Variants in SLC35H1 observed in about 807,000 individuals in gnomAD.
The protein encoded by SLC35H1 is solute carrier family 35 member H1.
chr20:46,358,963 T>C, the SLC35H1 span: 1 of 597,048 alleles, frequency 1.7e-6, no homozygotes, highest in Admixed American at 2.9e-5. Context: ...AGTGACCTTT[T>C]AAAACACAAA....
At chr20:46,349,439 C>T in the SLC35H1 span, 6 of 152,258 alleles carry the variant, frequency 3.9e-5, no homozygotes, top group Admixed American at 6.5e-5. Flanking sequence ...CACACACAGA[C>T]GTACACAGAC....
chr20:46,350,735 G>T, the SLC35H1 span: 1 of 1,611,178 alleles, frequency 6.2e-7, no homozygotes, highest in East Asian at 2.2e-5. Context: ...AGAAAACAGA[G>T]GCTTCTGGAA....
chr20:46,350,687 C>G, the SLC35H1 span: 1 of 1,495,694 alleles, frequency 6.7e-7, no homozygotes, highest in Non-Finnish European at 9.0e-7. Context: ...GGGCACACTT[C>G]CTGCATCAGA....
the SLC35H1 span, chr20:46,350,714 G>A: frequency 1.2e-6 from 2 of 1,602,016 alleles, no homozygotes; most frequent in Non-Finnish European, 8.5e-7. Flanking sequence ...AAGAGTCACA[G>A]GGAGAAGAAC....
At chr20:46,358,914 T>C in the SLC35H1 span, 1 of 639,502 alleles carries the variant, frequency 1.6e-6, no homozygotes. Flanking sequence ...GTGTCTGCTG[T>C]CTTGTCACCT....
the SLC35H1 span, chr20:46,352,976 G>A: frequency 6.6e-6 from 1 of 152,272 alleles, no homozygotes; most frequent in African/African-American, 2.4e-5. Context: ...TAACTACTGG[G>A]CTAAAGAAGG....
chr20:46,355,042 T>C, the SLC35H1 span: 1 of 1,613,844 alleles, frequency 6.2e-7, no homozygotes, highest in Non-Finnish European at 8.5e-7. The surrounding 1 kb of genome is among the most constrained non-coding windows in gnomAD (Gnocchi z 4.8). Context: ...CCGGGGTTCC[T>C]CTCTCTGGAG....
chr20:46,347,269 A>C, the SLC35H1 span: 1 of 152,256 alleles, frequency 6.6e-6, no homozygotes, highest in East Asian at 1.9e-4. Context: ...CGTTATGCTT[A>C]ACCACTTGGA....
At chr20:46,355,181 T>C in the SLC35H1 span, 27 of 1,613,884 alleles carry the variant, frequency 1.7e-5, no homozygotes, top group South Asian at 2.6e-4. This position sits in a 1 kb window ranked among gnomAD's most constrained non-coding sequence, Gnocchi z 4.8. Flanking sequence ...TGTGTGGACT[T>C]GTAGGTGAAC....
the SLC35H1 span, chr20:46,350,633 T>C: frequency 5.5e-6 from 8 of 1,464,530 alleles, no homozygotes; most frequent in Admixed American, 2.1e-5. Context: ...ACTCTGGAGA[T>C]GACCCCCACA....
chr20:46,358,279 G>C, the SLC35H1 span: 1 of 1,061,250 alleles, frequency 9.4e-7, no homozygotes, highest in Non-Finnish European at 1.4e-6. Context: ...CTGGCTTCCA[G>C]TTAGACTGGT....
the SLC35H1 span, chr20:46,347,958 G>A: frequency 6.6e-6 from 1 of 152,300 alleles, no homozygotes; most frequent in African/African-American, 2.4e-5. Flanking sequence ...CCCTTCTGCA[G>A]AAGCCTCGGA....
At chr20:46,363,882 G>A in the SLC35H1 span, among the ~76,000 whole-genome samples, 2 of 152,334 alleles carry the variant, frequency 1.3e-5, no homozygotes, top group East Asian at 1.9e-4. Context: ...CCCCTGCCAC[G>A]TGTCAAACAC....
chr20:46,352,240 G>A, the SLC35H1 span: 1 of 1,613,110 alleles, frequency 6.2e-7, no homozygotes, highest in South Asian at 1.1e-5. Context: ...AAAGCAACAG[G>A]GAGAGAGAGT....
the SLC35H1 span, chr20:46,355,138 C>A: frequency 2.5e-6 from 4 of 1,614,152 alleles, no homozygotes; most frequent in Admixed American, 3.3e-5. The surrounding 1 kb of genome is among the most constrained non-coding windows in gnomAD (Gnocchi z 4.8). Context: ...GAACGAGGCC[C>A]CCAGCACCAA....
At chr20:46,358,492 G>C in the SLC35H1 span, 1 of 1,614,038 alleles carries the variant, frequency 6.2e-7, no homozygotes, top group Non-Finnish European at 8.5e-7. Context: ...CCACATCGAG[G>C]GCCCACCTCC....
the SLC35H1 span, among the ~76,000 whole-genome samples, chr20:46,353,422 T>C: frequency 1.3e-5 from 2 of 152,076 alleles, no homozygotes; most frequent in African/African-American, 4.8e-5. Context: ...GTCCTCGTGG[T>C]GTATTAGCAC....
At chr20:46,356,518 GGACA>G in the SLC35H1 span, 11 of 1,587,238 alleles carry the variant, frequency 6.9e-6, no homozygotes, top group Admixed American at 6.7e-5. Flanking sequence ...ACACCCCGCT[GGACA>G]GACAGACAGC....
the SLC35H1 span, chr20:46,358,301 C>T: frequency 2.4e-6 from 3 of 1,251,214 alleles, no homozygotes; most frequent in Admixed American, 3.5e-5. Context: ...GAAGCTTGTG[C>T]CTTCCTGTTA....
Sources: allele counts gnomAD v4.1 joint callset (sites outside exome capture counted in the v4.1 genomes callset), GRCh38; gene constraint gnomAD v4.1.1; non-coding constraint Gnocchi (gnomAD v3.1); transcripts MANE v1.5; gene names NCBI Gene and HGNC (gene_info 2026-07-23, HGNC 2026-07-21).